The following TNKS variants were observed in gnomAD, a reference collection of about 807,000 sequenced individuals.
TNKS encodes the protein poly [ADP-ribose] polymerase tankyrase-1.
In TNKS, 72 loss-of-function variants were observed where a neutral mutation model predicts 135.8. That is an observed-to-expected ratio of 0.53 (90% CI 0.44 to 0.64). The LOEUF is 0.64. TNKS is among the 30% of genes least tolerant of loss of function. The probability of loss-of-function intolerance (pLI) is 0.00; values close to 1 mark genes in which losing one functional copy is unlikely to be tolerated. For synonymous variants in TNKS, 849 were observed against 649.3 expected, an observed-to-expected ratio of 1.31 and a Z score of -4.68; for missense variants, 1,769 against 1,674.0, an observed-to-expected ratio of 1.06 and a Z score of -0.99.
Position 9,736,157 on chromosome 8 carries a change from G to T in TNKS, c.2643+671G>T, listed in dbSNP as rs182366141. Among the ~76,000 whole-genome samples, 53 of 150,758 alleles carry T rather than the reference G, an allele frequency of 3.5e-4. No individual in the cohort carries two copies. In the East Asian group the frequency reaches 7.9e-3, roughly 23 times the overall value. ...TACCTCAAGTATATTTTAAAAACTA[G>T]AAAAGCTGTGCAGCTGTTATACAGG... On this transcript the variant is annotated intron_variant, in intron 17 of 26. Coordinates refer to ENST00000310430, the MANE Select transcript of TNKS (RefSeq NM_003747.3).
chr8:9,691,223 A>T (rs1803250827), intron 5 of TNKS, among the ~76,000 whole-genome samples: 1 of 152,008 alleles, frequency 6.6e-6, no homozygotes, highest in African/African-American at 2.4e-5. Flanking sequence ...CTGCACTGGG[A>T]AGGAGGCAGA....
intron 3 of TNKS, among the ~76,000 whole-genome samples, chr8:9,644,748 G>A (rs1418421006): frequency 3.9e-5 from 6 of 152,092 alleles, no homozygotes; most frequent in Admixed American, 3.9e-4. Flanking sequence ...GACAGTCCTC[G>A]ACTTATGTTA....
chr8:9,662,755 A>G (rs760022650), intron 3 of TNKS, among the ~76,000 whole-genome samples: 1 of 152,196 alleles, frequency 6.6e-6, no homozygotes, highest in African/African-American at 2.4e-5. Context: ...TAATAATAAA[A>G]TTTTTAAAAA....
rs1244007619 is a variant in TNKS, at chr8:9,735,617, G to A, written c.2643+131G>A. The A allele has an allele frequency of 1.9e-5, 13 of 667,236 alleles. 1 individual carries two copies. Among genetic ancestry groups the A allele is most frequent in the South Asian group, 9.3e-5 (5 of 53,990 alleles). 41.3% of individuals were successfully genotyped at this position (667,236 alleles called of 1,614,324 possible). On this transcript the variant is annotated intron_variant, in intron 17 of 26. Coordinates refer to ENST00000310430, the MANE Select transcript of TNKS (RefSeq NM_003747.3). ...AGGTCGAGACAATCCTGGCTAACAC[G>A]GTGAAACCCCGTCTCTACTAAAAAT...
At chr8:9,595,356 C>A (rs895335023) in intron 2 of TNKS, among the ~76,000 whole-genome samples, 2 of 152,026 alleles carry the variant, frequency 1.3e-5, no homozygotes, top group Admixed American at 1.3e-4. Context: ...ATCCTTAAAA[C>A]AGAGAAGAGA....
chr8:9,699,425 G>C (rs1030831640), intron 5 of TNKS, among the ~76,000 whole-genome samples: 80 of 152,120 alleles, frequency 5.3e-4, no homozygotes, highest in African/African-American at 1.9e-3. Context: ...AAAACCTCAG[G>C]GCTTTTAGTG....
intron 26 of TNKS, among the ~76,000 whole-genome samples, chr8:9,773,473 T>C (rs1309555830): frequency 6.6e-6 from 1 of 152,190 alleles, no homozygotes; most frequent in Non-Finnish European, 1.5e-5. Flanking sequence ...AAGATGGTTA[T>C]CACTGGGCAT....
intron 2 of TNKS, among the ~76,000 whole-genome samples, chr8:9,596,472 T>G (rs1798791402): frequency 6.6e-6 from 1 of 152,196 alleles, no homozygotes; most frequent in Admixed American, 6.5e-5. Flanking sequence ...AAACGTAGTG[T>G]CTTGTATTAT....
intron 22 of TNKS, among the ~76,000 whole-genome samples, chr8:9,763,883 C>CTAAT (rs1477443048): frequency 6.6e-6 from 1 of 152,100 alleles, no homozygotes; most frequent in African/African-American, 2.4e-5. Flanking sequence ...AAAGGTATGC[C>CTAAT]TAATTCTTGT....
intron 11 of TNKS, among the ~76,000 whole-genome samples, chr8:9,713,348 G>A (rs913107285): frequency 6.6e-6 from 1 of 152,120 alleles, no homozygotes; most frequent in Non-Finnish European, 1.5e-5. Context: ...TGAAAAATTA[G>A]GAATAATGCC....
At chr8:9,715,786 A>C (rs1804574621) in intron 11 of TNKS, among the ~76,000 whole-genome samples, 1 of 152,064 alleles carries the variant, frequency 6.6e-6, no homozygotes, top group Non-Finnish European at 1.5e-5. Context: ...CTAGGAGTAA[A>C]CTTTTGTTCC....
At chr8:9,772,298 C>T in intron 26 of TNKS, 1 of 438,372 alleles carries the variant, frequency 2.3e-6, no homozygotes, top group Non-Finnish European at 4.6e-6. Context: ...AGAAAGGGGA[C>T]AATGCCTTGA....
intron 3 of TNKS, among the ~76,000 whole-genome samples, chr8:9,656,215 G>GAAGTT: frequency 6.6e-6 from 1 of 152,314 alleles, no homozygotes; most frequent in South Asian, 2.1e-4. Flanking sequence ...AACGAACAAA[G>GAAGTT]CCTCCAAGAA....
intron 2 of TNKS, among the ~76,000 whole-genome samples, chr8:9,592,746 G>T (rs916197054): frequency 1.3e-5 from 2 of 152,102 alleles, no homozygotes; most frequent in African/African-American, 4.8e-5. Flanking sequence ...GATTCTGTCT[G>T]ACTTTTTTTT....
At chr8:9,587,239 T>A (rs1462214629) in intron 2 of TNKS, among the ~76,000 whole-genome samples, 3 of 151,968 alleles carry the variant, frequency 2.0e-5, no homozygotes, top group African/African-American at 4.8e-5. Flanking sequence ...TCAGATGATA[T>A]AATTTCAGAT....
At chr8:9,749,622 A>G (rs1047212914) in intron 18 of TNKS, among the ~76,000 whole-genome samples, 1 of 151,970 alleles carries the variant, frequency 6.6e-6, no homozygotes, top group African/African-American at 2.4e-5. Flanking sequence ...CTACAGGCAC[A>G]TGCCACTATG....
Position 9,780,147 on chromosome 8 carries a change from G to A in TNKS, c.*3411G>A, listed in dbSNP as rs961923237. On this transcript the variant is annotated 3_prime_UTR_variant, in exon 27 of 27. Transcript: ENST00000310430. ...TGCAATAAGTTGTCTAGGTTTTTCTGTTTCAGTGTCTCTCCCAATGGCACG... is the reference window on the plus strand; with the variant it reads ...TGCAATAAGTTGTCTAGGTTTTTCTATTTCAGTGTCTCTCCCAATGGCACG... The A allele has an allele frequency of 1.3e-5, 2 of 152,194 alleles. No homozygotes were observed. Among genetic ancestry groups the A allele is most frequent in the Non-Finnish European group, 2.9e-5 (2 of 68,028 alleles). The allele number at this position is 152,194 out of a possible 1,614,324, so 9.4% of individuals were successfully genotyped here.
At chr8:9,771,685 G>C (rs1443988359) in intron 26 of TNKS, among the ~76,000 whole-genome samples, 1 of 126,640 alleles carries the variant, frequency 7.9e-6, no homozygotes, top group Non-Finnish European at 1.7e-5. Context: ...GAGGGAGAGA[G>C]AGAGAGAGAG....
intron 1 of TNKS, chr8:9,558,676 T>A (rs1797190333): frequency 6.6e-6 from 1 of 152,136 alleles, no homozygotes; most frequent in Admixed American, 6.5e-5. Flanking sequence ...TGTTTCAGAG[T>A]TTTATGTATA....
Sources: gnomAD v4.1 joint callset for allele counts (sites outside exome capture counted in the v4.1 genomes callset) on GRCh38, gnomAD v4.1.1 for gene constraint, MANE v1.5 for transcripts, NCBI Gene and HGNC (gene_info 2026-07-23, HGNC 2026-07-21) for gene names.